Variants in NCAPD3 observed in about 807,000 individuals in gnomAD.
NCAPD3 encodes non-SMC condensin II complex subunit D3.
A neutral mutation model predicts 182.9 loss-of-function variants in NCAPD3; 105 were observed. The observed-to-expected ratio is 0.57, with a 90% CI of 0.49 to 0.68. The LOEUF (loss-of-function observed/expected upper bound fraction) is 0.68, where lower values mean the gene tolerates loss of function less well. Among genes scored for constraint, NCAPD3 ranks in the 30% least tolerant of loss-of-function variants. The pLI, the probability that NCAPD3 is intolerant of heterozygous loss-of-function variation, is 0.00. For missense variants in NCAPD3, 1,944 were observed against 1,837.0 expected (o/e 1.06, Z -1.07); for synonymous variants, 815 against 679.9 (o/e 1.20, Z -3.09).
Position 134,217,096 on chromosome 11 carries a change from A to C in NCAPD3, c.222T>G (p.Ser74Arg), listed in dbSNP as rs767604094. 5.0e-6 allele frequency: 8 copies of C among 1,607,548 alleles called. No homozygotes were observed. The highest frequency in any genetic ancestry group is 6.8e-6 in the Non-Finnish European group (8 of 1,177,342). ...TGTTCTCAATGAAGAAGGTCCAGATACTCTGTGGGGAGACCGCAAATCACA... is the reference window on the plus strand; with the variant it reads ...TGTTCTCAATGAAGAAGGTCCAGATCCTCTGTGGGGAGACCGCAAATCACA... ...FATGEHGSME[S>R]IWTFFIENNV... The change falls in exon 3 of 35, where the codon AGT becomes AGG. Residue 74 changes from serine (S) to arginine (R), a missense_variant and splice_region_variant. Coordinates refer to ENST00000534548, the MANE Select transcript of NCAPD3 (RefSeq NM_015261.3).
chr11:134,223,520 G>A lies in NCAPD3; in HGVS notation c.64+343C>T, dbSNP rs1480101757. On this transcript the variant is annotated intron_variant, in intron 1 of 34. Coordinates refer to ENST00000534548, the MANE Select transcript of NCAPD3 (RefSeq NM_015261.3). Reference sequence around the variant, plus strand: ...AGTTCAAGAAATAAGTCTGGCGGAAGAAAGAGATTTGCAATTTAAAACCAT... The same window carrying A: ...AGTTCAAGAAATAAGTCTGGCGGAAAAAAGAGATTTGCAATTTAAAACCAT... 1.1e-5 allele frequency: 8 copies of A among 701,568 alleles called. No homozygotes were observed. The East Asian group carries it at 1.3e-4, about 12-fold the overall frequency. The allele number at this position is 701,568 out of a possible 1,614,324, so 43.5% of individuals were successfully genotyped here.
At chr11:134,186,893 T>A (rs1001354148) in intron 16 of NCAPD3, among the ~76,000 whole-genome samples, 4 of 152,236 alleles carry the variant, frequency 2.6e-5, no homozygotes, top group Non-Finnish European at 5.9e-5. Context: ...TACAACATGA[T>A]TTATGTCTGA....
intron 27 of NCAPD3, among the ~76,000 whole-genome samples, chr11:134,162,738 A>C (rs1943623504): frequency 6.6e-6 from 1 of 152,230 alleles, no homozygotes; most frequent in Non-Finnish European, 1.5e-5. Context: ...GCTTCCATGC[A>C]TTCACTTGAC....
Position 134,223,955 on chromosome 11 carries a change from G to T in NCAPD3, c.-29C>A, listed in dbSNP as rs776808268. On this transcript the variant is annotated 5_prime_UTR_variant, in exon 1 of 35. Transcript: ENST00000534548. ...CCCAGGGCACCGGCTCGCCGCCGCC[G>T]TGCTCAACTTTCAAAGCTCGCTCCC... 4 of 1,608,098 alleles carry T rather than the reference G, an allele frequency of 2.5e-6. No individual in the cohort carries two copies. Among genetic ancestry groups the T allele is most frequent in the South Asian group, 1.1e-5 (1 of 90,202 alleles).
rs1394325258 is a variant in NCAPD3 at position 134,169,015 on chromosome 11, C to T, written c.3141G>A (p.Arg1047=). ...EFCLAHLLLK[R]NPVMFFQHFI... The stretch of plus-strand genomic sequence containing the variant: ...AGTGTTGGAAGAACATGACAGGGTT[C>T]CTCTTCAGTAACAGGTGAGCCAGGC... The change falls in exon 25 of 35, where the codon AGG becomes AGA. Residue 1047 remains arginine (R), a synonymous_variant. Transcript: ENST00000534548. 1 of 1,613,888 alleles carries T rather than the reference C, an allele frequency of 6.2e-7. No homozygotes were observed. Among genetic ancestry groups the T allele is most frequent in the African/African-American group, 1.3e-5 (1 of 74,890 alleles).
chr11:134,212,377 G>GTGTGTGTGTGTGTGTGTA (rs537048651), intron 3 of NCAPD3, among the ~76,000 whole-genome samples: 6 of 143,010 alleles, frequency 4.2e-5, no homozygotes, highest in African/African-American at 1.5e-4. Context: ...TTGTTGTTTT[G>GTGTGTGTGTGTGTGTGTA]TGTGTGTGTG....
intron 16 of NCAPD3, among the ~76,000 whole-genome samples, chr11:134,189,459 A>G (rs985436241): frequency 2.0e-5 from 3 of 152,238 alleles, no homozygotes; most frequent in Non-Finnish European, 2.9e-5. Flanking sequence ...AATGCATTCT[A>G]CAAGTTTTGG....
At chr11:134,214,935 T>A (rs1234231824) in intron 3 of NCAPD3, among the ~76,000 whole-genome samples, 1 of 152,010 alleles carries the variant, frequency 6.6e-6, no homozygotes, top group African/African-American at 2.4e-5. Context: ...AAAAAGAATA[T>A]CCCTTATGAA....
In NCAPD3 at chr11:134,202,882, A is replaced by AT. The variant is rs1320401130; in HGVS notation, c.1548dup (p.Ser517IlefsTer2). 1 of 1,604,272 alleles carries AT rather than the reference A, an allele frequency of 6.2e-7. No individual in the cohort carries two copies. Reference sequence around the variant, plus strand: ...TCCCCTGAGGGTTCGGAACGGTTAGATGTCTGCCTTTGGTAGGAAAAAGCT... The same window carrying AT: ...TCCCCTGAGGGTTCGGAACGGTTAGATTGTCTGCCTTTGGTAGGAAAAAGCT... On this transcript the variant is annotated frameshift_variant, in exon 13 of 35. Coordinates refer to ENST00000534548, the MANE Select transcript of NCAPD3 (RefSeq NM_015261.3). LOFTEE classifies it high-confidence loss of function.
chr11:134,216,286 G>A (rs748014979), intron 3 of NCAPD3, among the ~76,000 whole-genome samples: 2 of 152,200 alleles, frequency 1.3e-5, no homozygotes, highest in Non-Finnish European at 1.5e-5. Context: ...ACAAAGATAA[G>A]CAGCAAGGTG....
At chr11:134,187,204 T>C (rs1340292571) in intron 16 of NCAPD3, among the ~76,000 whole-genome samples, 1 of 152,204 alleles carries the variant, frequency 6.6e-6, no homozygotes, top group Non-Finnish European at 1.5e-5. Context: ...CAGGCCCGTC[T>C]CCATGGCCTC....
At chr11:134,183,198 G>A in intron 19 of NCAPD3, 1 of 455,972 alleles carries the variant, frequency 2.2e-6, no homozygotes, top group South Asian at 1.6e-5. Context: ...CTTAGTTCTA[G>A]TCCCAGCTCT....
intron 24 of NCAPD3, among the ~76,000 whole-genome samples, chr11:134,172,517 C>T (rs779322215): frequency 1.3e-5 from 2 of 152,172 alleles, no homozygotes; most frequent in Admixed American, 6.6e-5. Flanking sequence ...GTTGTTGCCC[C>T]CTTTTCTATC....
chr11:134,212,410 T>TGTG (rs1565556933), intron 3 of NCAPD3, among the ~76,000 whole-genome samples: 7 of 151,600 alleles, frequency 4.6e-5, no homozygotes, highest in Non-Finnish European at 7.4e-5. Flanking sequence ...TGTGTGTGTG[T>TGTG]TCCACTGGAG....
intron 16 of NCAPD3, among the ~76,000 whole-genome samples, 189 bp from the exon 17 acceptor site, chr11:134,185,715 T>C (rs1944390529): frequency 6.6e-6 from 1 of 152,168 alleles, no homozygotes; most frequent in Non-Finnish European, 1.5e-5. Flanking sequence ...AAATTTTTAT[T>C]ATTCTACTAT....
chr11:134,165,772 C>A (rs1180818220), intron 27 of NCAPD3, among the ~76,000 whole-genome samples: 7 of 143,112 alleles, frequency 4.9e-5, no homozygotes, highest in Non-Finnish European at 1.1e-4. Context: ...GGGGGAGGTA[C>A]ACACTCGTGA....
intron 22 of NCAPD3, 121 bp downstream of exon 22, chr11:134,178,513 T>C (rs955369422): frequency 1.4e-6 from 1 of 723,578 alleles, no homozygotes; most frequent in African/African-American, 1.7e-5. Flanking sequence ...AGGAACCACA[T>C]GGCTGAGAGC....
chr11:134,154,480 C>CCT (rs1555123839), intron 32 of NCAPD3, among the ~76,000 whole-genome samples: 1 of 148,952 alleles, frequency 6.7e-6, no homozygotes, highest in African/African-American at 2.5e-5. Context: ...TCTCTGCACC[C>CCT]CCCCCCCCAC....
chr11:134,163,669 C>T (rs1004658499), intron 27 of NCAPD3, among the ~76,000 whole-genome samples: 5 of 146,246 alleles, frequency 3.4e-5, no homozygotes, highest in Admixed American at 2.8e-4. Flanking sequence ...CCACTGCACT[C>T]CAGCCTGGGC....
Sources: allele counts gnomAD v4.1 joint callset (sites outside exome capture counted in the v4.1 genomes callset), GRCh38; gene constraint gnomAD v4.1.1; transcripts MANE v1.5; gene names NCBI Gene and HGNC (gene_info 2026-07-23, HGNC 2026-07-21).